Variants in C2CD5 observed in about 807,000 individuals in gnomAD.
C2CD5 encodes C2 calcium dependent domain containing 5, also known as C2 domain-containing protein 5.
C2CD5 carries 109 observed loss-of-function variants against 130.3 expected under a neutral mutation model. That is an observed-to-expected ratio of 0.84 (90% CI 0.72 to 0.98). The LOEUF is 0.98. Among genes scored for constraint, C2CD5 ranks in the 50% least tolerant of loss-of-function variants. C2CD5 has a pLI of 0.00. For missense variants in C2CD5, 996 were observed against 1,261.8 expected, an observed-to-expected ratio of 0.79 and a Z score of 3.19; for synonymous variants, 454 against 429.2, an observed-to-expected ratio of 1.06 and a Z score of -0.71.
intron 10 of C2CD5, among the ~76,000 whole-genome samples, chr12:22,501,909 T>C (rs1280319569): frequency 1.3e-5 from 2 of 152,158 alleles, no homozygotes; most frequent in African/African-American, 4.8e-5. Flanking sequence ...TTCTGTAAGA[T>C]ATACTTTCTG....
Position 22,544,317 on chromosome 12 carries a change from C to CACTGTCGCAGGAGGAAGGGT in C2CD5, c.-47_-30+2dup, listed in dbSNP as rs1405095731. 1.8e-6 allele frequency: 1 copy of CACTGTCGCAGGAGGAAGGGT among 541,426 alleles called. No homozygotes were observed. Among genetic ancestry groups the CACTGTCGCAGGAGGAAGGGT allele is most frequent in the African/African-American group, 2.0e-5 (1 of 48,880 alleles). The allele number at this position is 541,426 out of a possible 1,614,324, so 33.5% of individuals were successfully genotyped here. A position where few individuals can be genotyped will look rare whatever the true frequency, so the allele number is the denominator to read the frequency against. ...GGCAGTCGCGCCACGGGTCGCCACTCACTGTCGCAGGAGGAAGGGTGCTGT... is the reference window on the plus strand; with the variant it reads ...GGCAGTCGCGCCACGGGTCGCCACTCACTGTCGCAGGAGGAAGGGTACTGTCGCAGGAGGAAGGGTGCTGT... On this transcript the variant is annotated splice_region_variant and intron_variant, in intron 1 of 26. Coordinates refer to ENST00000446597, the MANE Select transcript of C2CD5 (RefSeq NM_001286176.2).
At chr12:22,509,891 T>C (rs896847772) in intron 9 of C2CD5, among the ~76,000 whole-genome samples, 1 of 152,222 alleles carries the variant, frequency 6.6e-6, no homozygotes, top group Non-Finnish European at 1.5e-5. Context: ...GATGAATTTA[T>C]AGATTTTTCT....
chr12:22,454,151 T>C lies in C2CD5; in HGVS notation c.2878-109A>G, dbSNP rs1939291393. The stretch of plus-strand genomic sequence containing the variant: ...ATTAAAACATCCTAAATTATCTTAA[T>C]ATACCAAATAACTTAAACTTCCCTC... On this transcript the variant is annotated intron_variant, in intron 25 of 26. Transcript: ENST00000446597. 3.6e-6 allele frequency: 3 copies of C among 835,850 alleles called. No homozygotes were observed. In the South Asian group the frequency reaches 6.3e-5, roughly 18 times the overall value. The allele number at this position is 835,850 out of a possible 1,614,324, so 51.8% of individuals were successfully genotyped here.
intron 14 of C2CD5, among the ~76,000 whole-genome samples, chr12:22,479,395 T>A (rs1944377568): frequency 6.6e-6 from 1 of 151,692 alleles, no homozygotes; most frequent in Non-Finnish European, 1.5e-5. Flanking sequence ...TTTAAAAAAA[T>A]ATATAATTAG....
intron 10 of C2CD5, among the ~76,000 whole-genome samples, chr12:22,503,765 G>T (rs549768375): frequency 1.5e-4 from 23 of 152,138 alleles, no homozygotes; most frequent in Non-Finnish European, 2.8e-4. Flanking sequence ...GCCCGCCTTG[G>T]CCTCCCAAAA....
At chr12:22,521,468 T>C (rs1050718381) in intron 7 of C2CD5, among the ~76,000 whole-genome samples, 6 of 152,204 alleles carry the variant, frequency 3.9e-5, no homozygotes, top group Non-Finnish European at 5.9e-5. Flanking sequence ...ACAGGTAATA[T>C]AGCTTTGTCA....
At chr12:22,525,843 A>C in intron 4 of C2CD5, 138 bp from the exon 5 acceptor site, 1 of 618,084 alleles carries the variant, frequency 1.6e-6, no homozygotes. Flanking sequence ...ACCATGGTGC[A>C]AAACCATTCT....
intron 12 of C2CD5, among the ~76,000 whole-genome samples, chr12:22,489,857 A>T (rs1285868722): frequency 1.3e-5 from 2 of 152,202 alleles, no homozygotes; most frequent in Non-Finnish European, 2.9e-5. Flanking sequence ...AAGCAAAAAA[A>T]AATGGACACC....
rs1396586755 is a variant in C2CD5, at chr12:22,460,473, A to G, written c.2534-931T>C. The G allele has an allele frequency of 2.1e-5, 3 of 146,042 alleles. No homozygotes were observed. In the East Asian group the frequency reaches 5.8e-4, roughly 28 times the overall value. The allele number at this position is 146,042 out of a possible 1,614,324, so 9.0% of individuals were successfully genotyped here. A position where few individuals can be genotyped will look rare whatever the true frequency, so the allele number is the denominator to read the frequency against. ...GTTGATTTTTTGGTAACATTCTTAA[A>G]TTAATAAAAAAACTTTTCAAAACAT... On this transcript the variant is annotated intron_variant, in intron 22 of 26. Transcript: ENST00000446597.
In C2CD5 at chr12:22,472,363, G is replaced by T. The variant is rs780727140; in HGVS notation, c.2108-16C>A. ...CTATAAAAGCCTGTCAAAATAAATT[G>T]TAATCAAAATATATGATAATATTTC... On this transcript the variant is annotated splice_polypyrimidine_tract_variant and intron_variant, in intron 17 of 26. Transcript: ENST00000446597. 4.1e-6 allele frequency: 5 copies of T among 1,226,012 alleles called. No individual in the cohort carries two copies. The highest frequency in any genetic ancestry group is 4.7e-6 in the Non-Finnish European group (4 of 858,784). 75.9% of individuals were successfully genotyped at this position (1,226,012 alleles called of 1,614,324 possible).
chr12:22,470,975 AT>A lies in C2CD5; in HGVS notation c.2359-65del, dbSNP rs549736895. The A allele has an allele frequency of 2.1e-4, 249 of 1,185,894 alleles. No homozygotes were observed. The African/African-American group carries it at 2.9e-3, about 14-fold the overall frequency. 73.5% of individuals were successfully genotyped at this position (1,185,894 alleles called of 1,614,324 possible). On this transcript the variant is annotated intron_variant, in intron 20 of 26. Coordinates refer to ENST00000446597, the MANE Select transcript of C2CD5 (RefSeq NM_001286176.2). ...ACTGCCAAAACTAAGTTTCTTACAT[AT>A]TTTTTTCAGTACCACGGAACAACCT...
chr12:22,543,363 A>T (rs1311047797), intron 2 of C2CD5, among the ~76,000 whole-genome samples: 1 of 152,256 alleles, frequency 6.6e-6, no homozygotes, highest in African/African-American at 2.4e-5. Flanking sequence ...ATGGCAATTA[A>T]ATGACTTCCT....
chr12:22,531,028 T>G (rs1041131302), intron 3 of C2CD5, among the ~76,000 whole-genome samples: 1 of 152,080 alleles, frequency 6.6e-6, no homozygotes, highest in Non-Finnish European at 1.5e-5. Flanking sequence ...TAGGTTATAG[T>G]TGGGGGGGAA....
At position 22,472,031 on chromosome 12, in the gene C2CD5, C is replaced by T; in HGVS notation, c.2204G>A (p.Ser735Asn). The T allele has an allele frequency of 6.2e-7, 1 of 1,602,190 alleles. No individual in the cohort carries two copies. The highest frequency in any genetic ancestry group is 8.5e-7 in the Non-Finnish European group (1 of 1,171,896). Residue 735 changes from serine to asparagine, a missense_variant, in exon 19 of 27, where the codon AGC becomes AAC. Physicochemically the swap from Ser to Asn is conservative, Grantham distance 46. This residue lies in a region of C2CD5 where 590 missense variants were observed against 631.4 expected (regional missense o/e 0.93). Transcript: ENST00000446597. The part of the protein sequence containing the change: ...FTSVRVIRLS[S>N]LNLTNQALNK... The stretch of plus-strand genomic sequence containing the variant: ...GAGAGCTTGATTAGTCAGGTTGAGG[C>T]TGCTTAATCTGATTACTCTTACTGA...
At chr12:22,497,639 G>T in intron 10 of C2CD5, 1 of 933,184 alleles carries the variant, frequency 1.1e-6, no homozygotes, top group East Asian at 1.2e-4. Flanking sequence ...TAATGAAAAA[G>T]AAATTAGAGA....
intron 15 of C2CD5, among the ~76,000 whole-genome samples, chr12:22,477,782 A>C (rs967892077): frequency 2.0e-5 from 3 of 152,168 alleles, no homozygotes; most frequent in Admixed American, 6.5e-5. Flanking sequence ...CTGGGAGCAA[A>C]TTTGTAAAAA....
chr12:22,491,868 T>A (rs1333319105), intron 11 of C2CD5, among the ~76,000 whole-genome samples: 2 of 147,430 alleles, frequency 1.4e-5, no homozygotes, highest in African/African-American at 5.0e-5. Context: ...TGAAACTCTA[T>A]CTCAAAAAAC....
intron 10 of C2CD5, among the ~76,000 whole-genome samples, chr12:22,501,591 T>C (rs1947798104): frequency 6.6e-6 from 1 of 152,166 alleles, no homozygotes; most frequent in African/African-American, 2.4e-5. Flanking sequence ...TTACAAAATA[T>C]TACACTAACA....
intron 14 of C2CD5, among the ~76,000 whole-genome samples, chr12:22,479,147 C>T (rs528370031): frequency 4.6e-5 from 7 of 151,688 alleles, no homozygotes; most frequent in Non-Finnish European, 8.8e-5. Context: ...GATCTCGGCT[C>T]ACTGCAACCT....
Sources: allele counts gnomAD v4.1 joint callset (sites outside exome capture counted in the v4.1 genomes callset), GRCh38; gene constraint gnomAD v4.1.1; regional missense constraint gnomAD v4.1.1; transcripts MANE v1.5; gene names NCBI Gene and HGNC (gene_info 2026-07-23, HGNC 2026-07-21).